Variants in CLYBL observed in about 807,000 individuals in gnomAD.
The protein encoded by CLYBL is citramalyl-CoA lyase, also known as citramalyl-CoA lyase, mitochondrial.
In CLYBL, 31 loss-of-function variants were observed where a neutral mutation model predicts 38.9. The observed-to-expected ratio is 0.80, with a 90% CI of 0.60 to 1.08. The LOEUF is 1.08. Among genes scored for constraint, CLYBL ranks in the 50% least tolerant of loss-of-function variants. The pLI is 0.00. For missense variants in CLYBL, 434 were observed against 411.6 expected (o/e 1.05, Z -0.47); for synonymous variants, 171 against 158.6 (o/e 1.08, Z -0.59).
At chr13:99,676,806 T>C (rs1404663129) in intron 1 of CLYBL, among the ~76,000 whole-genome samples, 1 of 151,940 alleles carries the variant, frequency 6.6e-6, no homozygotes, top group Non-Finnish European at 1.5e-5. Flanking sequence ...GGTTTCTCCA[T>C]GTTGGTCAGG....
chr13:99,644,379 T>C (rs2047146512), intron 1 of CLYBL, among the ~76,000 whole-genome samples: 1 of 152,190 alleles, frequency 6.6e-6, no homozygotes, highest in Non-Finnish European at 1.5e-5. Context: ...TTAAAAATTT[T>C]AATAGGTACA....
intron 1 of CLYBL, among the ~76,000 whole-genome samples, chr13:99,660,881 A>G (rs1409889606): frequency 6.6e-6 from 1 of 152,126 alleles, no homozygotes; most frequent in African/African-American, 2.4e-5. Flanking sequence ...TTGAAGTCAC[A>G]TCTAGAATGC....
Position 99,801,925 on chromosome 13 carries a change from AGAATCTCTTGAACCT to A in CLYBL, c.249+28918_249+28932del, listed in dbSNP as rs2050143755. Among the ~76,000 whole-genome samples the A allele has an allele frequency of 2.6e-5, 4 of 152,330 alleles. No individual in the cohort carries two copies. The South Asian group carries it at 6.2e-4, about 24-fold the overall frequency. On this transcript the variant is annotated intron_variant, in intron 2 of 8. Transcript: ENST00000339105. ...CAGCTACTCGGGAGACCGAGGCAGGAGAATCTCTTGAACCTGATAGGCGGAGGTTGCAGTGAGCCA... is the reference window on the plus strand; with the variant it reads ...CAGCTACTCGGGAGACCGAGGCAGGAGATAGGCGGAGGTTGCAGTGAGCCA...
chr13:99,675,623 G>A (rs949099062), intron 1 of CLYBL, among the ~76,000 whole-genome samples: 3 of 152,104 alleles, frequency 2.0e-5, no homozygotes, highest in Non-Finnish European at 2.9e-5. Context: ...GGAATCATAC[G>A]ATACGTGGTC....
chr13:99,801,929 T>G (rs954854425), intron 2 of CLYBL, among the ~76,000 whole-genome samples: 11 of 152,094 alleles, frequency 7.2e-5, no homozygotes, highest in Non-Finnish European at 1.5e-4. Context: ...GGCAGGAGAA[T>G]CTCTTGAACC....
At chr13:99,750,846 T>C (rs1205229365) in intron 1 of CLYBL, among the ~76,000 whole-genome samples, 3 of 152,044 alleles carry the variant, frequency 2.0e-5, no homozygotes, top group Non-Finnish European at 4.4e-5. Context: ...TTTCTGGTTG[T>C]AAAACAGCTC....
chr13:99,880,581 C>CAGAA (rs1294412221), intron 7 of CLYBL, among the ~76,000 whole-genome samples: 1 of 152,210 alleles, frequency 6.6e-6, no homozygotes, highest in Non-Finnish European at 1.5e-5. Flanking sequence ...GGGAAACCCC[C>CAGAA]AGAAAAGCCA....
At chr13:99,743,609 G>A (rs1469238672) in intron 1 of CLYBL, among the ~76,000 whole-genome samples, 1 of 152,208 alleles carries the variant, frequency 6.6e-6, no homozygotes, top group African/African-American at 2.4e-5. Context: ...CTCTGTGGCT[G>A]TACTGAGGAA....
chr13:99,866,899 C>T (rs987718968), intron 6 of CLYBL, among the ~76,000 whole-genome samples: 1 of 152,130 alleles, frequency 6.6e-6, no homozygotes, highest in African/African-American at 2.4e-5. Context: ...CCCCTCCTCT[C>T]TCTCCCACCT....
intron 9 of CLYBL, among the ~76,000 whole-genome samples, chr13:99,907,248 A>G (rs2052706677): frequency 6.6e-6 from 1 of 152,190 alleles, no homozygotes; most frequent in Non-Finnish European, 1.5e-5. Flanking sequence ...CAAGATCCTA[A>G]CATCCCTGTG....
At chr13:99,884,271 A>G (rs757181843) in intron 7 of CLYBL, among the ~76,000 whole-genome samples, 35 of 152,168 alleles carry the variant, frequency 2.3e-4, no homozygotes, top group Non-Finnish European at 4.9e-4. Flanking sequence ...AAAGGAGAGG[A>G]AAAGGGTGAG....
intron 1 of CLYBL, among the ~76,000 whole-genome samples, chr13:99,754,519 C>T (rs1455656429): frequency 2.6e-5 from 4 of 151,516 alleles, no homozygotes; most frequent in Non-Finnish European, 4.4e-5. Flanking sequence ...CCTCAGTCTC[C>T]GAAATAGCTG....
chr13:99,689,045 C>G (rs896601698), intron 1 of CLYBL, among the ~76,000 whole-genome samples: 2 of 152,182 alleles, frequency 1.3e-5, no homozygotes, highest in Non-Finnish European at 2.9e-5. Context: ...AAACCGGCCT[C>G]ACACCCCAAG....
At chr13:99,659,204 G>A (rs2047374121) in intron 1 of CLYBL, among the ~76,000 whole-genome samples, 1 of 144,908 alleles carries the variant, frequency 6.9e-6, no homozygotes, top group Admixed American at 6.7e-5. Context: ...TCTAAGCTAT[G>A]TGTGTGTGTG....
At chr13:99,657,846 T>C (rs1332171913) in intron 1 of CLYBL, among the ~76,000 whole-genome samples, 2 of 152,210 alleles carry the variant, frequency 1.3e-5, no homozygotes, top group African/African-American at 4.8e-5. Flanking sequence ...CTGTGGCTCA[T>C]CTGTAAATAG....
At chr13:99,746,469 A>C (rs1244930477) in intron 1 of CLYBL, among the ~76,000 whole-genome samples, 1 of 151,148 alleles carries the variant, frequency 6.6e-6, no homozygotes, top group Non-Finnish European at 1.5e-5. Flanking sequence ...TGTGCTCTTC[A>C]CTGGCTATTT....
At chr13:99,699,644 G>C (rs1166207407) in intron 1 of CLYBL, among the ~76,000 whole-genome samples, 11 of 151,308 alleles carry the variant, frequency 7.3e-5, no homozygotes, top group Non-Finnish European at 1.3e-4. Context: ...AGTGAGCCGA[G>C]ATCGCGCCAC....
At chr13:99,730,291 G>A (rs1022254236) in intron 1 of CLYBL, among the ~76,000 whole-genome samples, 1 of 152,152 alleles carries the variant, frequency 6.6e-6, no homozygotes, top group Non-Finnish European at 1.5e-5. Flanking sequence ...TGACTAACAC[G>A]TGTGGCAGAA....
intron 1 of CLYBL, among the ~76,000 whole-genome samples, chr13:99,762,844 A>G (rs769832667): frequency 2.0e-5 from 3 of 152,068 alleles, no homozygotes; most frequent in Admixed American, 6.6e-5. Context: ...AATTTCTTTC[A>G]TTGGTGTTTT....
Sources: allele counts gnomAD v4.1 joint callset (sites outside exome capture counted in the v4.1 genomes callset), GRCh38; gene constraint gnomAD v4.1.1; transcripts MANE v1.5; gene names NCBI Gene and HGNC (gene_info 2026-07-23, HGNC 2026-07-21).